RPA3: variants seen among roughly 807,000 people sequenced by gnomAD.
RPA3 encodes the protein replication protein A 14 kDa subunit.
In RPA3, 24 loss-of-function variants were observed where a neutral mutation model predicts 13.7. The ratio of observed to expected loss-of-function variants is 1.75; its 90% CI spans 1.27 to 2.46. RPA3 has a LOEUF of 2.46. Ranked by LOEUF, RPA3 falls within the 30% of genes most tolerant of loss-of-function variation. The pLI, the probability that RPA3 is intolerant of heterozygous loss-of-function variation, is 0.00. For missense variants in RPA3, 183 were observed against 151.0 expected, an observed-to-expected ratio of 1.21 and a Z score of -1.11; for synonymous variants, 59 against 51.2, an observed-to-expected ratio of 1.15 and a Z score of -0.65.
chr7:7,704,491 C>G (rs1164481046), intron 2 of RPA3, among the ~76,000 whole-genome samples: 2 of 150,830 alleles, frequency 1.3e-5, no homozygotes, highest in Non-Finnish European at 2.9e-5. Flanking sequence ...CGCGGTGGCT[C>G]ATGCCTGTAA....
At chr7:7,709,318 T>G (rs957767528) in intron 2 of RPA3, among the ~76,000 whole-genome samples, 3 of 152,244 alleles carry the variant, frequency 2.0e-5, no homozygotes, top group African/African-American at 7.2e-5. Context: ...TAGAAACTTG[T>G]TCAATTGTGG....
rs144302030 is a variant in RPA3 at position 7,673,226 on chromosome 7, C to T, written c.-758+12604G>A. The T allele has an allele frequency of 5.2e-4, 439 of 849,118 alleles. 5 individuals are homozygous for T. In the East Asian group the frequency reaches 0.011, roughly 21 times the overall value. The allele number at this position is 849,118 out of a possible 1,614,324, so 52.6% of individuals were successfully genotyped here. A position where few individuals can be genotyped will look rare whatever the true frequency, so the allele number is the denominator to read the frequency against. ...TTCCTAAGAGTAACTATTGTTATAT[C>T]GTTATGCTGAACTTTTTGCTAAAAA... On this transcript the variant is annotated intron_variant, in intron 4 of 7. Coordinates refer to ENST00000223129, the MANE Select transcript of RPA3 (RefSeq NM_002947.5).
chr7:7,650,873 C>T (rs1785209800), intron 4 of RPA3, among the ~76,000 whole-genome samples: 2 of 152,182 alleles, frequency 1.3e-5, no homozygotes, highest in South Asian at 4.1e-4. Flanking sequence ...TTACCTTTAC[C>T]TTTAATGCTG....
chr7:7,717,312 A>G (rs1388242045), intron 1 of RPA3, among the ~76,000 whole-genome samples: 1 of 151,978 alleles, frequency 6.6e-6, no homozygotes, highest in Admixed American at 6.6e-5. Context: ...CTGCCTCAGC[A>G]TCCCAAAGTG....
chr7:7,692,912 G>A (rs1220440957), intron 2 of RPA3, among the ~76,000 whole-genome samples: 1 of 152,116 alleles, frequency 6.6e-6, no homozygotes, highest in Non-Finnish European at 1.5e-5. Flanking sequence ...TGGCCAAAAT[G>A]TGGCTTTTAA....
chr7:7,699,567 G>T (rs543262653), intron 2 of RPA3, among the ~76,000 whole-genome samples: 9 of 152,264 alleles, frequency 5.9e-5, no homozygotes, highest in African/African-American at 2.2e-4. Context: ...GGTGGTCCCT[G>T]GATGTGATGG....
chr7:7,639,661 C>G (rs901243510), intron 5 of RPA3, among the ~76,000 whole-genome samples: 4 of 152,180 alleles, frequency 2.6e-5, no homozygotes, highest in African/African-American at 9.7e-5. Context: ...ACCTACCACT[C>G]CTACTCAGTT....
In RPA3 at chr7:7,640,650, T is replaced by A; in HGVS notation, c.-232A>T. On this transcript the variant is annotated 5_prime_UTR_variant, in exon 5 of 8. Coordinates refer to ENST00000223129, the MANE Select transcript of RPA3 (RefSeq NM_002947.5). ...ATTGGCTGCTTAGTGACGCGCGGCG[T>A]CCCGGAAGTTGACAGATACAGGGCG... The A allele has an allele frequency of 1.9e-6, 1 of 536,036 alleles. No homozygotes were observed. Among genetic ancestry groups the A allele is most frequent in the East Asian group, 3.3e-5 (1 of 30,542 alleles). The allele number at this position is 536,036 out of a possible 1,614,324, so 33.2% of individuals were successfully genotyped here.
At chr7:7,659,559 T>C (rs1185995286) in intron 4 of RPA3, among the ~76,000 whole-genome samples, 1 of 152,228 alleles carries the variant, frequency 6.6e-6, no homozygotes, top group South Asian at 2.1e-4. Context: ...AATTTCGTTA[T>C]TTACCCAGTA....
At chr7:7,645,508 C>T (rs765437784) in intron 4 of RPA3, among the ~76,000 whole-genome samples, 10 of 152,162 alleles carry the variant, frequency 6.6e-5, no homozygotes, top group Non-Finnish European at 1.0e-4. Flanking sequence ...TCAAGTAAAT[C>T]CACGTTCTAT....
intron 2 of RPA3, among the ~76,000 whole-genome samples, chr7:7,700,411 T>G (rs1780430186): frequency 6.6e-6 from 1 of 152,100 alleles, no homozygotes; most frequent in African/African-American, 2.4e-5. Flanking sequence ...AGAAAACACC[T>G]GAAGTCCAAA....
intron 4 of RPA3, among the ~76,000 whole-genome samples, chr7:7,658,968 T>G (rs540511823): frequency 4.6e-5 from 7 of 152,336 alleles, no homozygotes; most frequent in African/African-American, 1.7e-4. Context: ...TATTAATTAC[T>G]GCCTCAATTT....
chr7:7,648,885 G>C (rs146723345), intron 4 of RPA3, among the ~76,000 whole-genome samples: 1 of 151,700 alleles, frequency 6.6e-6, no homozygotes, highest in South Asian at 2.1e-4. Flanking sequence ...AAGGCCGGGC[G>C]CGGTCGCTCA....
chr7:7,659,627 CT>C (rs1434541816), intron 4 of RPA3, among the ~76,000 whole-genome samples: 1 of 152,200 alleles, frequency 6.6e-6, no homozygotes, highest in Non-Finnish European at 1.5e-5. Flanking sequence ...GAGTGAGTTT[CT>C]TAATCCTGTG....
intron 2 of RPA3, among the ~76,000 whole-genome samples, chr7:7,705,680 G>T (rs1486806564): frequency 6.6e-6 from 1 of 152,012 alleles, no homozygotes; most frequent in Non-Finnish European, 1.5e-5. Flanking sequence ...GGATTTTTAG[G>T]GTAGTGAAAC....
intron 2 of RPA3, among the ~76,000 whole-genome samples, chr7:7,697,603 G>T (rs1780352291): frequency 6.6e-6 from 1 of 152,140 alleles, no homozygotes; most frequent in Non-Finnish European, 1.5e-5. Context: ...CTTGGGGTGG[G>T]CACCTAACTT....
At chr7:7,647,140 A>T (rs1243145568) in intron 4 of RPA3, among the ~76,000 whole-genome samples, 3 of 152,228 alleles carry the variant, frequency 2.0e-5, no homozygotes, top group African/African-American at 4.8e-5. Context: ...AGATCACTAT[A>T]GTTATCTTTG....
At chr7:7,678,639 TA>T (rs1438030463) in intron 4 of RPA3, among the ~76,000 whole-genome samples, 2 of 126,108 alleles carry the variant, frequency 1.6e-5, no homozygotes, top group Admixed American at 8.0e-5. Context: ...AATTTATAGA[TA>T]AATATATATT....
At chr7:7,677,674 T>G (rs750964212) in intron 4 of RPA3, among the ~76,000 whole-genome samples, 20,562 of 130,686 alleles carry the variant, frequency 0.16, 1,960 homozygotes, top group Middle Eastern at 0.23. Context: ...GTTTTTTTTT[T>G]TTTTTTTTTT....
Sources: allele counts gnomAD v4.1 joint callset (sites outside exome capture counted in the v4.1 genomes callset), GRCh38; gene constraint gnomAD v4.1.1; transcripts MANE v1.5; gene names NCBI Gene and HGNC (gene_info 2026-07-23, HGNC 2026-07-21).